GRID2: variants seen among roughly 807,000 people sequenced by gnomAD.
GRID2 encodes the protein glutamate receptor ionotropic, delta-2.
In GRID2, 33 loss-of-function variants were observed where a neutral mutation model predicts 114.8. The observed-to-expected ratio is 0.29, with a 90% CI of 0.22 to 0.38. The LOEUF (loss-of-function observed/expected upper bound fraction) is 0.38. Among genes scored for constraint, GRID2 ranks in the 10% least tolerant of loss-of-function variants. The probability of loss-of-function intolerance (pLI) is 1.00; values close to 1 mark genes in which losing one functional copy is unlikely to be tolerated. For missense variants in GRID2, 1,184 were observed against 1,257.7 expected (o/e 0.94, Z 0.89); for synonymous variants, 505 against 449.9 (o/e 1.12, Z -1.55).
At chr4:93,716,500 A>G (rs1728915375) in intron 14 of GRID2, among the ~76,000 whole-genome samples, 2 of 152,104 alleles carry the variant, frequency 1.3e-5, no homozygotes, top group African/African-American at 4.8e-5. Context: ...TTAACTCCTT[A>G]AAAAGACAAT....
chr4:92,639,706 G>GAT (rs1185584884), intron 2 of GRID2, among the ~76,000 whole-genome samples: 2 of 151,558 alleles, frequency 1.3e-5, no homozygotes, highest in Non-Finnish European at 3.0e-5. Context: ...TTATTGCCAT[G>GAT]ATATATATAC....
At chr4:93,180,821 T>A (rs975656866) in intron 4 of GRID2, among the ~76,000 whole-genome samples, 1 of 152,128 alleles carries the variant, frequency 6.6e-6, no homozygotes, top group Non-Finnish European at 1.5e-5. Flanking sequence ...ATCTCCAGGC[T>A]CCAATTCTAA....
intron 1 of GRID2, among the ~76,000 whole-genome samples, chr4:92,347,637 G>T (rs1727837913): frequency 6.6e-6 from 1 of 152,070 alleles, no homozygotes; most frequent in South Asian, 2.1e-4. Flanking sequence ...CTTAATAATA[G>T]TATTGAGATC....
At chr4:93,367,425 T>C (rs1762449217) in intron 8 of GRID2, among the ~76,000 whole-genome samples, 1 of 152,144 alleles carries the variant, frequency 6.6e-6, no homozygotes, top group Non-Finnish European at 1.5e-5. Flanking sequence ...AAATGACTAA[T>C]TTATTTTTTA....
chr4:93,010,640 T>A (rs913605065), intron 2 of GRID2, among the ~76,000 whole-genome samples: 2 of 152,210 alleles, frequency 1.3e-5, no homozygotes, highest in African/African-American at 4.8e-5. Flanking sequence ...GCTGTGAAGA[T>A]TTCTCACAAC....
chr4:92,735,246 A>G (rs1233716522), intron 2 of GRID2, among the ~76,000 whole-genome samples: 2 of 152,132 alleles, frequency 1.3e-5, no homozygotes, highest in Non-Finnish European at 2.9e-5. Context: ...TGAGACCTCT[A>G]GTGGATGCCT....
chr4:92,771,003 A>T (rs12500547), intron 2 of GRID2, among the ~76,000 whole-genome samples: 43,281 of 151,912 alleles, frequency 0.28, 6,822 homozygotes, highest in Middle Eastern at 0.43. Flanking sequence ...TGAGAACTGA[A>T]ATATATTTAT....
At chr4:92,428,627 C>T (rs1333427238) in intron 1 of GRID2, among the ~76,000 whole-genome samples, 1 of 151,938 alleles carries the variant, frequency 6.6e-6, no homozygotes, top group East Asian at 1.9e-4. Context: ...ATGTTTTTTG[C>T]TAATAAGAAC....
At position 92,912,229 on chromosome 4, in the gene GRID2, A is replaced by G. The variant is rs1301076160; in HGVS notation, c.245-172766A>G. On this transcript the variant is annotated intron_variant, in intron 2 of 15. Coordinates refer to ENST00000282020, the MANE Select transcript of GRID2 (RefSeq NM_001510.4). The stretch of plus-strand genomic sequence containing the variant: ...TTCTACAAGGATATATGAGCTTTTA[A>G]CTTCGTAAAAGAGAAGGGTATACTA... 4.6e-5 allele frequency among the ~76,000 whole-genome samples: 7 copies of G among 151,978 alleles called. No homozygotes were observed. The East Asian group carries it at 1.4e-3, about 29-fold the overall frequency.
chr4:93,669,942 T>TA (rs1337955105), intron 14 of GRID2, among the ~76,000 whole-genome samples: 2 of 152,130 alleles, frequency 1.3e-5, no homozygotes, highest in Admixed American at 1.3e-4. Context: ...GTGGCTGTTT[T>TA]AAAATTCCAA....
chr4:92,490,468 A>G (rs1346100564), intron 1 of GRID2, among the ~76,000 whole-genome samples: 1 of 152,188 alleles, frequency 6.6e-6, no homozygotes, highest in Non-Finnish European at 1.5e-5. Flanking sequence ...TGAACAGCAA[A>G]TGGACAAATG....
At chr4:93,269,134 G>A (rs867246405) in intron 8 of GRID2, among the ~76,000 whole-genome samples, 6 of 152,060 alleles carry the variant, frequency 3.9e-5, no homozygotes, top group Admixed American at 1.3e-4. Flanking sequence ...TAAATGCTAG[G>A]AAGACTAGAA....
intron 2 of GRID2, among the ~76,000 whole-genome samples, chr4:92,858,747 C>T (rs772982615): frequency 5.9e-5 from 9 of 152,056 alleles, no homozygotes; most frequent in Admixed American, 2.0e-4. Flanking sequence ...TTAGTAGAGA[C>T]GGGGTTTCAC....
intron 13 of GRID2, 121 bp downstream of exon 13, chr4:93,515,532 A>C: frequency 1.5e-6 from 1 of 658,192 alleles, no homozygotes; most frequent in Non-Finnish European, 2.6e-6. Flanking sequence ...GCTGACGGCA[A>C]ATTTCCTGTT....
chr4:93,336,448 A>G (rs1452642428), intron 8 of GRID2, among the ~76,000 whole-genome samples: 6 of 152,224 alleles, frequency 3.9e-5, no homozygotes, highest in Non-Finnish European at 8.8e-5. Flanking sequence ...TGGTTCTACA[A>G]CGAATATCTA....
intron 2 of GRID2, among the ~76,000 whole-genome samples, chr4:92,894,516 G>C (rs1747017679): frequency 6.6e-6 from 1 of 152,064 alleles, no homozygotes; most frequent in African/African-American, 2.4e-5. Context: ...GAGGGTCCCA[G>C]CTTGACAATA....
chr4:93,268,221 G>A (rs1751066880), intron 8 of GRID2, among the ~76,000 whole-genome samples: 1 of 152,124 alleles, frequency 6.6e-6, no homozygotes, highest in Admixed American at 6.6e-5. Flanking sequence ...ATTGGGTGAG[G>A]GGTGCTAACA....
chr4:92,835,789 T>C (rs1351108091), intron 2 of GRID2, among the ~76,000 whole-genome samples: 1 of 152,186 alleles, frequency 6.6e-6, no homozygotes, highest in Non-Finnish European at 1.5e-5. Context: ...ATTGTTTTAA[T>C]GGTAATGAGT....
At chr4:92,685,548 C>A (rs114629251) in intron 2 of GRID2, among the ~76,000 whole-genome samples, 1 of 151,838 alleles carries the variant, frequency 6.6e-6, no homozygotes, top group African/African-American at 2.4e-5. Context: ...GTTAACATGC[C>A]TAGAAATTTA....
Sources: allele counts gnomAD v4.1 joint callset (sites outside exome capture counted in the v4.1 genomes callset), GRCh38; gene constraint gnomAD v4.1.1; transcripts MANE v1.5; gene names NCBI Gene and HGNC (gene_info 2026-07-23, HGNC 2026-07-21).